Variants in BTBD9 observed in about 807,000 individuals in gnomAD.
BTBD9 encodes BTB domain containing 9.
In BTBD9, 49 loss-of-function variants were observed where a neutral mutation model predicts 64.3. That is an observed-to-expected ratio of 0.76 (90% confidence interval 0.61 to 0.97). The LOEUF (loss-of-function observed/expected upper bound fraction) is 0.97, where lower values mean the gene tolerates loss of function less well. BTBD9 is among the 50% of genes least tolerant of loss of function. BTBD9 has a pLI of 0.00. For synonymous variants in BTBD9, 260 were observed against 274.7 expected, an observed-to-expected ratio of 0.95 and a Z score of 0.53; for missense variants, 598 against 762.1, an observed-to-expected ratio of 0.78 and a Z score of 2.53.
intron 6 of BTBD9, among the ~76,000 whole-genome samples, chr6:38,418,405 C>G (rs916599660): frequency 2.6e-5 from 4 of 152,188 alleles, no homozygotes; most frequent in African/African-American, 9.7e-5. Flanking sequence ...ACCACTTCCA[C>G]TCTGCTCCTC....
intron 6 of BTBD9, among the ~76,000 whole-genome samples, chr6:38,487,600 AG>A (rs1454251719): frequency 1.4e-5 from 2 of 145,992 alleles, no homozygotes; most frequent in African/African-American, 2.7e-5. Flanking sequence ...AGCGAGAGAG[AG>A]AGAGAGAGAG....
chr6:38,323,663 T>C lies in BTBD9; in HGVS notation c.1264+21321A>G, dbSNP rs559780920. ...GAGAAAACACACCATTTTGTACTTA[T>C]AGTAGGTTAACTCTCCCTCCTAGTA... On this transcript the variant is annotated intron_variant, in intron 7 of 10. Coordinates refer to ENST00000481247, the MANE Select transcript of BTBD9 (RefSeq NM_001099272.2). Among the ~76,000 whole-genome samples the C allele has an allele frequency of 1.6e-4, 25 of 152,360 alleles. No individual in the cohort carries two copies. The South Asian group carries it at 4.1e-3, about 25-fold the overall frequency.
chr6:38,274,422 T>G (rs1275562630), intron 8 of BTBD9, among the ~76,000 whole-genome samples: 2 of 152,036 alleles, frequency 1.3e-5, no homozygotes, highest in African/African-American at 4.8e-5. Flanking sequence ...CTATGTTGAA[T>G]AGGAGTGGTG....
At chr6:38,587,839 C>T in intron 4 of BTBD9, 1 of 718,118 alleles carries the variant, frequency 1.4e-6, no homozygotes, top group Non-Finnish European at 2.7e-6. Flanking sequence ...AGCTTTTGAC[C>T]CTTTTAAAAA....
intron 6 of BTBD9, among the ~76,000 whole-genome samples, chr6:38,434,698 TCAAA>T (rs1768628654): frequency 6.6e-6 from 1 of 151,972 alleles, no homozygotes; most frequent in East Asian, 1.9e-4. Flanking sequence ...AAGACTGAAT[TCAAA>T]TTCAAATAGC....
intron 7 of BTBD9, among the ~76,000 whole-genome samples, chr6:38,315,401 T>C (rs1562013301): frequency 6.6e-6 from 1 of 152,176 alleles, no homozygotes; most frequent in South Asian, 2.1e-4. Flanking sequence ...TTCTTCTTTT[T>C]TTGATGCAGG....
chr6:38,600,023 A>G (rs929671724), intron 1 of BTBD9, among the ~76,000 whole-genome samples: 4 of 152,188 alleles, frequency 2.6e-5, no homozygotes, highest in Non-Finnish European at 2.9e-5. Flanking sequence ...AAACAGAATA[A>G]TCTCTAGTCA....
intron 2 of BTBD9, among the ~76,000 whole-genome samples, chr6:38,594,538 A>G (rs932258290): frequency 1.3e-5 from 2 of 152,244 alleles, no homozygotes; most frequent in South Asian, 2.1e-4. Flanking sequence ...TCTGTAAGCC[A>G]CTGAACTAAT....
chr6:38,615,785 T>C (rs753689472), intron 1 of BTBD9, among the ~76,000 whole-genome samples: 2 of 152,202 alleles, frequency 1.3e-5, no homozygotes, highest in Non-Finnish European at 2.9e-5. Flanking sequence ...GTACCTGGCA[T>C]AGAGGTACTC....
rs527929209 is a variant in BTBD9 at position 38,170,131 on chromosome 6, G to A, written c.*4854C>T. ...ATGAAGGGCACCTGGCCCCTTCCGCGAGGTTGGAGCATTATGCCAGGAACA... is the reference window on the plus strand; with the variant it reads ...ATGAAGGGCACCTGGCCCCTTCCGCAAGGTTGGAGCATTATGCCAGGAACA... On this transcript the variant is annotated 3_prime_UTR_variant, in exon 11 of 11. Coordinates refer to ENST00000481247, the MANE Select transcript of BTBD9 (RefSeq NM_001099272.2). The A allele has an allele frequency of 5.3e-5, 8 of 152,376 alleles. No individual in the cohort carries two copies. Among genetic ancestry groups the A allele is most frequent in the Admixed American group, 1.3e-4 (2 of 15,306 alleles). 9.4% of individuals were successfully genotyped at this position (152,376 alleles called of 1,614,324 possible).
chr6:38,364,863 G>A (rs1399682578), intron 6 of BTBD9, among the ~76,000 whole-genome samples: 1 of 152,122 alleles, frequency 6.6e-6, no homozygotes, highest in Non-Finnish European at 1.5e-5. Context: ...TCTTGAGAAA[G>A]AGAGATCTTC....
At chr6:38,320,029 T>C (rs530676152) in intron 7 of BTBD9, among the ~76,000 whole-genome samples, 13 of 152,166 alleles carry the variant, frequency 8.5e-5, no homozygotes, top group African/African-American at 3.1e-4. Context: ...TCCACGGGCA[T>C]TGGCTGTGTT....
At position 38,511,985 on chromosome 6, in the gene BTBD9, T is replaced by C. The variant is rs1219368741; in HGVS notation, c.1154+65615A>G. ...AAAACCTACCACTATTTTTCCCCCTTTTTTTGAGACGGAGTTTCACTCTTG... is the reference window on the plus strand; with the variant it reads ...AAAACCTACCACTATTTTTCCCCCTCTTTTTGAGACGGAGTTTCACTCTTG... On this transcript the variant is annotated intron_variant, in intron 6 of 10. Transcript: ENST00000481247. Among the ~76,000 whole-genome samples, 3 of 152,210 alleles carry C rather than the reference T, an allele frequency of 2.0e-5. No individual in the cohort carries two copies. The East Asian group carries it at 5.8e-4, about 29-fold the overall frequency.
chr6:38,343,619 C>T (rs1006349002), intron 7 of BTBD9, among the ~76,000 whole-genome samples: 5 of 152,042 alleles, frequency 3.3e-5, no homozygotes, highest in Admixed American at 6.5e-5. Flanking sequence ...TCTGTACAGC[C>T]TATAGAATTA....
intron 8 of BTBD9, among the ~76,000 whole-genome samples, chr6:38,259,724 T>C (rs1764726025): frequency 6.6e-6 from 1 of 152,230 alleles, no homozygotes; most frequent in Admixed American, 6.5e-5. Context: ...TGTAATTCTG[T>C]TTGCTATCAA....
intron 6 of BTBD9, among the ~76,000 whole-genome samples, chr6:38,371,992 G>C (rs1300460097): frequency 6.6e-6 from 1 of 152,288 alleles, no homozygotes; most frequent in African/African-American, 2.4e-5. Context: ...TTTACCCACA[G>C]AGTAACAACT....
At chr6:38,524,531 T>C (rs1377238622) in intron 6 of BTBD9, among the ~76,000 whole-genome samples, 1 of 152,186 alleles carries the variant, frequency 6.6e-6, no homozygotes, top group Non-Finnish European at 1.5e-5. Context: ...ATTATCTAAG[T>C]TGTCCCTTAT....
chr6:38,537,688 G>T (rs142635395), intron 6 of BTBD9, among the ~76,000 whole-genome samples: 3 of 152,294 alleles, frequency 2.0e-5, no homozygotes, highest in African/African-American at 7.2e-5. Flanking sequence ...AAAAGATTGG[G>T]TGGAAGACCT....
At chr6:38,598,610 T>C (rs1777139780) in intron 1 of BTBD9, among the ~76,000 whole-genome samples, 1 of 152,108 alleles carries the variant, frequency 6.6e-6, no homozygotes, top group East Asian at 1.9e-4. Context: ...CCATCTCAAA[T>C]ATTTCATTTA....
Sources: allele counts gnomAD v4.1 joint callset (sites outside exome capture counted in the v4.1 genomes callset), GRCh38; gene constraint gnomAD v4.1.1; transcripts MANE v1.5; gene names NCBI Gene and HGNC (gene_info 2026-07-23, HGNC 2026-07-21).